SAMD12: variants seen among roughly 807,000 people sequenced by gnomAD.
SAMD12 encodes the protein sterile alpha motif domain-containing protein 12.
Under a neutral mutation model 15.0 loss-of-function variants are expected in SAMD12, and 9 were observed. The observed-to-expected ratio is 0.60, with a 90% CI of 0.36 to 1.05. The LOEUF is 1.05. SAMD12 is among the 50% of genes least tolerant of loss of function. SAMD12 has a pLI of 0.01. For missense variants in SAMD12, 230 were observed against 234.2 expected (o/e 0.98, Z 0.12); for synonymous variants, 86 against 90.1 (o/e 0.96, Z 0.25).
intron 4 of SAMD12, among the ~76,000 whole-genome samples, chr8:118,243,216 C>A (rs1812612359): frequency 6.6e-6 from 1 of 152,112 alleles, no homozygotes; most frequent in Non-Finnish European, 1.5e-5. Context: ...AGCACAATAT[C>A]ATTTGTATGG....
chr8:118,256,853 G>C (rs529068114), intron 4 of SAMD12, among the ~76,000 whole-genome samples: 1 of 149,766 alleles, frequency 6.7e-6, no homozygotes, highest in South Asian at 2.1e-4. Context: ...GGAATTCTTG[G>C]TTCATAGAGT....
intron 4 of SAMD12, among the ~76,000 whole-genome samples, chr8:118,270,948 A>G (rs1412135609): frequency 6.6e-6 from 1 of 152,206 alleles, no homozygotes; most frequent in Non-Finnish European, 1.5e-5. Flanking sequence ...TTTGAATATA[A>G]TTATTGGGTA....
chr8:118,334,481 C>T (rs1261652327), intron 4 of SAMD12, among the ~76,000 whole-genome samples: 1 of 152,172 alleles, frequency 6.6e-6, no homozygotes, highest in Non-Finnish European at 1.5e-5. Context: ...TTCCTTCCCC[C>T]TCTCCTCCCT....
At chr8:118,492,053 T>A (rs2131016826) in intron 2 of SAMD12, among the ~76,000 whole-genome samples, 1 of 152,220 alleles carries the variant, frequency 6.6e-6, no homozygotes, top group East Asian at 1.9e-4. Context: ...AAAGTGGTTG[T>A]ATCATTTTAC....
chr8:118,260,713 C>A (rs1267390305), intron 4 of SAMD12, among the ~76,000 whole-genome samples: 1 of 152,074 alleles, frequency 6.6e-6, no homozygotes, highest in African/African-American at 2.4e-5. Flanking sequence ...TCCTCTTTAG[C>A]CACCTCCTTG....
intron 2 of SAMD12, among the ~76,000 whole-genome samples, chr8:118,453,845 C>A (rs546232832): frequency 3.6e-4 from 55 of 152,122 alleles, no homozygotes; most frequent in African/African-American, 1.3e-3. Flanking sequence ...AATTTCATTT[C>A]TTTTTCTCTT....
chr8:118,574,711 T>C (rs527278875), intron 2 of SAMD12, among the ~76,000 whole-genome samples: 2 of 152,350 alleles, frequency 1.3e-5, no homozygotes, highest in African/African-American at 2.4e-5. Flanking sequence ...ACTGGGGTCC[T>C]GGAACTCACA....
rs145298058 is a variant in SAMD12, at chr8:118,434,365, C to T, written c.322+5467G>A. On this transcript the variant is annotated intron_variant, in intron 3 of 3. Transcript: ENST00000314727. ...TTCTTGTAGACATCTAAAGGATACC[C>T]ATGGTTCGTCCATGAAGTAGACCAA... Among the ~76,000 whole-genome samples the T allele has an allele frequency of 1.3e-3, 203 of 152,278 alleles. 1 individual carries two copies. Among genetic ancestry groups the T allele is most frequent in the African/African-American group, 4.7e-3 (197 of 41,554 alleles).
At chr8:118,462,874 G>T (rs1586736971) in intron 2 of SAMD12, among the ~76,000 whole-genome samples, 2 of 152,096 alleles carry the variant, frequency 1.3e-5, no homozygotes, top group South Asian at 4.1e-4. Context: ...AGGCCGAGAC[G>T]GGCGGATCAC....
intron 4 of SAMD12, among the ~76,000 whole-genome samples, chr8:118,322,680 C>T (rs1265027547): frequency 6.6e-6 from 1 of 152,200 alleles, no homozygotes; most frequent in African/African-American, 2.4e-5. Context: ...AGGCAGTACA[C>T]ATGGTATCCA....
At chr8:118,594,521 T>C (rs939083932) in intron 1 of SAMD12, among the ~76,000 whole-genome samples, 5 of 152,068 alleles carry the variant, frequency 3.3e-5, no homozygotes, top group Non-Finnish European at 5.9e-5. Context: ...AATAGTTACG[T>C]TGTAGATGAT....
At chr8:118,159,443 C>A in the SAMD12 span, among the ~76,000 whole-genome samples, 45,405 of 151,972 alleles carry the variant, frequency 0.3, 6,732 homozygotes, top group Admixed American at 0.33. Context: ...TTGCCCTTGG[C>A]AAACATGGGA....
chr8:118,386,192 G>C (rs1458396300), intron 3 of SAMD12, among the ~76,000 whole-genome samples: 1 of 152,142 alleles, frequency 6.6e-6, no homozygotes, highest in South Asian at 2.1e-4. Context: ...CAGAAGTTCA[G>C]CATCTGTTCC....
At chr8:118,424,948 T>A (rs1197033522) in intron 3 of SAMD12, among the ~76,000 whole-genome samples, 1 of 151,740 alleles carries the variant, frequency 6.6e-6, no homozygotes. Context: ...AATTTTTTTT[T>A]TTTTTTTTGA....
intron 4 of SAMD12, among the ~76,000 whole-genome samples, chr8:118,342,274 A>G (rs927947221): frequency 7.0e-6 from 1 of 143,674 alleles, no homozygotes; most frequent in East Asian, 2.1e-4. Context: ...AGCCTGGGCG[A>G]CAGAGCAAGA....
intron 3 of SAMD12, among the ~76,000 whole-genome samples, chr8:118,409,419 T>C (rs972282054): frequency 2.7e-5 from 4 of 145,540 alleles, no homozygotes; most frequent in African/African-American, 7.6e-5. Context: ...TATATGTTTA[T>C]TGAATGTCCC....
chr8:118,313,754 G>C (rs1008915087), intron 4 of SAMD12, among the ~76,000 whole-genome samples: 3 of 151,768 alleles, frequency 2.0e-5, no homozygotes, highest in African/African-American at 7.3e-5. Context: ...TTTTTCCTAA[G>C]TCTGAAATAT....
At chr8:118,136,652 A>T in the SAMD12 span, among the ~76,000 whole-genome samples, 1 of 152,156 alleles carries the variant, frequency 6.6e-6, no homozygotes, top group Non-Finnish European at 1.5e-5. Context: ...ATTACTTCAA[A>T]GTTTCCCTTT....
chr8:118,491,896 G>C (rs1353180656), intron 2 of SAMD12, among the ~76,000 whole-genome samples: 2 of 152,088 alleles, frequency 1.3e-5, no homozygotes, highest in African/African-American at 4.8e-5. Context: ...TGAAGAAAGC[G>C]GCTGTGAATA....
Sources: gnomAD v4.1 joint callset for allele counts (sites outside exome capture counted in the v4.1 genomes callset) on GRCh38, gnomAD v4.1.1 for gene constraint, MANE v1.5 for transcripts, NCBI Gene and HGNC (gene_info 2026-07-23, HGNC 2026-07-21) for gene names.